Variants in GPC6 observed in about 807,000 individuals in gnomAD.
GPC6 encodes the protein glypican 6.
A neutral mutation model predicts 55.2 loss-of-function variants in GPC6; 14 were observed. The observed-to-expected ratio is 0.25, with a 90% confidence interval of 0.17 to 0.40. The LOEUF (loss-of-function observed/expected upper bound fraction) is 0.40, where lower values mean the gene tolerates loss of function less well. Ranked by LOEUF, GPC6 falls within the 10% of genes least tolerant of loss-of-function variation. The pLI, the probability that GPC6 is intolerant of heterozygous loss-of-function variation, is 1.00. For missense variants in GPC6, 641 were observed against 708.5 expected (o/e 0.90, Z 1.08); for synonymous variants, 278 against 259.6 (o/e 1.07, Z -0.68).
At chr13:93,642,298 G>GCCA (rs1879984879) in intron 2 of GPC6, among the ~76,000 whole-genome samples, 1 of 151,998 alleles carries the variant, frequency 6.6e-6, no homozygotes, top group Non-Finnish European at 1.5e-5. Context: ...TCCAACTCCA[G>GCCA]CCACGTTGCT....
chr13:94,178,684 A>T (rs1888875013), intron 4 of GPC6, among the ~76,000 whole-genome samples: 1 of 152,184 alleles, frequency 6.6e-6, no homozygotes, highest in African/African-American at 2.4e-5. Flanking sequence ...CTTTACTCAC[A>T]ACCCTCTTTT....
chr13:93,223,188 G>A (rs942787963), upstream of GPC6, among the ~76,000 whole-genome samples: 2 of 151,918 alleles, frequency 1.3e-5, no homozygotes, highest in Non-Finnish European at 2.9e-5. Flanking sequence ...AAGAAAGGGC[G>A]ATGGCTGTGG....
At chr13:93,277,750 T>G (rs1397737469) in intron 1 of GPC6, among the ~76,000 whole-genome samples, 1 of 152,224 alleles carries the variant, frequency 6.6e-6, no homozygotes, top group Non-Finnish European at 1.5e-5. Context: ...CTTTTCAATG[T>G]ACTATAAGTT....
chr13:93,877,620 T>C (rs890921680), intron 3 of GPC6, among the ~76,000 whole-genome samples: 1 of 152,068 alleles, frequency 6.6e-6, no homozygotes, highest in African/African-American at 2.4e-5. Context: ...TGTTAAGGAA[T>C]CCAACCCGTT....
intron 1 of GPC6, among the ~76,000 whole-genome samples, chr13:93,314,567 C>T (rs1488840744): frequency 3.9e-5 from 6 of 152,084 alleles, no homozygotes; most frequent in Non-Finnish European, 5.9e-5. Flanking sequence ...GTATGAGAAT[C>T]GGACTGGGAT....
chr13:93,653,874 A>C (rs1179001487), intron 2 of GPC6, among the ~76,000 whole-genome samples: 1 of 152,184 alleles, frequency 6.6e-6, no homozygotes, highest in Non-Finnish European at 1.5e-5. Context: ...AGGCATTTTA[A>C]ATTTGGATAG....
chr13:93,459,083 G>C (rs1878581688), intron 1 of GPC6, among the ~76,000 whole-genome samples: 1 of 152,152 alleles, frequency 6.6e-6, no homozygotes, highest in African/African-American at 2.4e-5. Context: ...TTTTGAGACA[G>C]GGCCTTGCTC....
intron 4 of GPC6, among the ~76,000 whole-genome samples, chr13:94,044,872 A>G (rs17791623): frequency 0.13 from 19,603 of 151,794 alleles, 1,705 homozygotes; most frequent in South Asian, 0.2. Flanking sequence ...TCATTTTGAT[A>G]TTATTTAACT....
chr13:93,919,655 A>G (rs1458953580), intron 3 of GPC6, among the ~76,000 whole-genome samples: 1 of 152,228 alleles, frequency 6.6e-6, no homozygotes, highest in Admixed American at 6.5e-5. Context: ...AATGATACCA[A>G]AAAAATATGA....
At chr13:93,753,716 A>C (rs1181501647) in intron 2 of GPC6, among the ~76,000 whole-genome samples, 1 of 151,864 alleles carries the variant, frequency 6.6e-6, no homozygotes, top group African/African-American at 2.4e-5. Context: ...ACCTTCCCCC[A>C]ACCCCTCCAC....
intron 4 of GPC6, among the ~76,000 whole-genome samples, chr13:94,191,230 T>C (rs1157383542): frequency 6.6e-6 from 1 of 152,190 alleles, no homozygotes; most frequent in African/African-American, 2.4e-5. Flanking sequence ...CTTGAACATT[T>C]CATAAGAAAT....
At chr13:93,961,939 C>G (rs1215975748) in intron 3 of GPC6, among the ~76,000 whole-genome samples, 2 of 152,138 alleles carry the variant, frequency 1.3e-5, no homozygotes, top group Non-Finnish European at 2.9e-5. Context: ...CTAATATTAA[C>G]AGCATCTGTA....
Position 93,895,234 on chromosome 13 carries a change from G to GTGTGTGTA in GPC6, c.711+64690_711+64691insGTGTGTAT, listed in dbSNP as rs1196315147. On this transcript the variant is annotated intron_variant, in intron 3 of 8. Coordinates refer to ENST00000377047, the MANE Select transcript of GPC6 (RefSeq NM_005708.5). ...TGTGTGTGTATGTATGTGTGTGTGT[G>GTGTGTGTA]TATATATATATATATATATATATAT... Among the ~76,000 whole-genome samples the GTGTGTGTA allele has an allele frequency of 7.0e-4, 76 of 108,218 alleles. 4 individuals carry two copies. Among genetic ancestry groups the GTGTGTGTA allele is most frequent in the Non-Finnish European group, 1.0e-3 (52 of 52,170 alleles). The allele number at this position is 108,218 out of a possible 152,430, so 71.0% of individuals were successfully genotyped here.
intron 3 of GPC6, among the ~76,000 whole-genome samples, chr13:93,931,800 A>C (rs1878193370): frequency 6.6e-6 from 1 of 150,588 alleles, no homozygotes; most frequent in Admixed American, 6.6e-5. Context: ...ATCAGGAGGC[A>C]TTTAGAGTAA....
At chr13:94,366,585 G>A (rs532638156) in intron 6 of GPC6, among the ~76,000 whole-genome samples, 9 of 152,286 alleles carry the variant, frequency 5.9e-5, no homozygotes, top group East Asian at 1.9e-4. Context: ...TTTTGAAAGC[G>A]CACTTGAGAT....
intron 4 of GPC6, among the ~76,000 whole-genome samples, chr13:94,219,725 C>G (rs562642353): frequency 6.6e-6 from 1 of 152,254 alleles, no homozygotes; most frequent in South Asian, 2.1e-4. Context: ...TCTGCCTCCC[C>G]TGATTTGGGG....
intron 4 of GPC6, among the ~76,000 whole-genome samples, chr13:94,149,427 G>T (rs1887663649): frequency 6.6e-6 from 1 of 152,138 alleles, no homozygotes; most frequent in African/African-American, 2.4e-5. Context: ...TTCTCTCAGT[G>T]TGATGGTGTT....
chr13:93,638,597 C>T (rs1378636067), intron 2 of GPC6, among the ~76,000 whole-genome samples: 1 of 152,060 alleles, frequency 6.6e-6, no homozygotes, highest in Non-Finnish European at 1.5e-5. Context: ...AGTTTAATAA[C>T]TCTAATGAGA....
chr13:93,341,684 T>C (rs1259426433), intron 1 of GPC6, among the ~76,000 whole-genome samples: 1 of 147,532 alleles, frequency 6.8e-6, no homozygotes, highest in African/African-American at 2.5e-5. Context: ...TATTGTCTGT[T>C]TACTCCGCTG....
Sources: gnomAD v4.1 joint callset for allele counts (sites outside exome capture counted in the v4.1 genomes callset) on GRCh38, gnomAD v4.1.1 for gene constraint, MANE v1.5 for transcripts, NCBI Gene and HGNC (gene_info 2026-07-23, HGNC 2026-07-21) for gene names.